Variants in AMPH observed in about 807,000 individuals in gnomAD.
AMPH encodes amphiphysin, also known as amphiphysin (Stiff-Mann syndrome with breast cancer 128kD autoantigen).
A neutral mutation model predicts 99.1 loss-of-function variants in AMPH; 49 were observed. The observed-to-expected ratio is 0.49, with a 90% CI of 0.39 to 0.63. The LOEUF (loss-of-function observed/expected upper bound fraction) is 0.63. AMPH is among the 20% of genes least tolerant of loss of function. AMPH has a pLI of 0.00. For synonymous variants in AMPH, 314 were observed against 317.3 expected (o/e 0.99, Z 0.11); for missense variants, 759 against 863.4 (o/e 0.88, Z 1.52).
Position 38,475,562 on chromosome 7 carries a change from T to C in AMPH, c.505-146A>G. On this transcript the variant is annotated intron_variant, in intron 6 of 20. Transcript: ENST00000356264. ...TATTTGGTTAAAAGCATATCCTTGTTTTTCAATTAAACATGAAACACTAAG... is the reference window on the plus strand; with the variant it reads ...TATTTGGTTAAAAGCATATCCTTGTCTTTCAATTAAACATGAAACACTAAG... 3 of 598,342 alleles carry C rather than the reference T, an allele frequency of 5.0e-6. No individual in the cohort carries two copies. The South Asian group carries it at 6.5e-5, about 13-fold the overall frequency. 37.1% of individuals were successfully genotyped at this position (598,342 alleles called of 1,614,324 possible). A position where few individuals can be genotyped will look rare whatever the true frequency, so the allele number is the denominator to read the frequency against.
chr7:38,429,252 G>T, intron 14 of AMPH: 1 of 1,286,540 alleles, frequency 7.8e-7, no homozygotes, highest in South Asian at 1.2e-5. Context: ...AGCCTCCGGC[G>T]CAGGCTTTGG....
chr7:38,410,928 T>C (rs1168733692), intron 17 of AMPH, among the ~76,000 whole-genome samples: 4 of 152,240 alleles, frequency 2.6e-5, no homozygotes, highest in Admixed American at 2.6e-4. Context: ...GCATTCGTTG[T>C]GGGAAGTCTT....
At chr7:38,554,829 T>C (rs1302446731) in intron 1 of AMPH, among the ~76,000 whole-genome samples, 2 of 152,180 alleles carry the variant, frequency 1.3e-5, no homozygotes, top group East Asian at 1.9e-4. Context: ...CAATCAGATA[T>C]AAAGTTTAGA....
At chr7:38,570,538 G>A (rs76042592) in intron 1 of AMPH, among the ~76,000 whole-genome samples, 3,105 of 152,118 alleles carry the variant, frequency 0.02, 70 homozygotes, top group East Asian at 0.084. Flanking sequence ...CATTACCCAC[G>A]TGTTTGTGGT....
chr7:38,414,549 A>T (rs1785309588), intron 17 of AMPH, among the ~76,000 whole-genome samples: 1 of 152,210 alleles, frequency 6.6e-6, no homozygotes, highest in Admixed American at 6.5e-5. Context: ...GTGGGTAAAA[A>T]TCTAACCATA....
At chr7:38,511,506 C>T (rs551275211) in intron 2 of AMPH, among the ~76,000 whole-genome samples, 3 of 152,192 alleles carry the variant, frequency 2.0e-5, no homozygotes, top group East Asian at 3.9e-4. Flanking sequence ...AAAGAACCAA[C>T]TAACAATGGA....
intron 15 of AMPH, among the ~76,000 whole-genome samples, chr7:38,425,540 C>T (rs1785753216): frequency 6.6e-6 from 1 of 152,224 alleles, no homozygotes; most frequent in African/African-American, 2.4e-5. Context: ...AAATTCATGA[C>T]TTGGCTGTTA....
chr7:38,391,776 T>G lies in AMPH; in HGVS notation c.1850A>C (p.Gln617Pro), dbSNP rs766581511. ...GTAGAGAAAGCCAGGAGGCAATTCC[T>G]GAGAGGCCTCCCTTGCAGATGCTAG... ...DQLASAREAS[Q>P]ELPPGFLYKV... Residue 617 changes from glutamine to proline, a missense_variant, in exon 19 of 21, where the codon CAG becomes CCG. Around this residue, in one of 2 missense-constraint regions of AMPH, gnomAD observed 554 missense variants for 575.6 expected, o/e 0.96. Coordinates refer to ENST00000356264, the MANE Select transcript of AMPH (RefSeq NM_001635.4). The G allele has an allele frequency of 6.2e-7, 1 of 1,613,826 alleles. No homozygotes were observed. The highest frequency in any genetic ancestry group is 1.3e-5 in the African/African-American group (1 of 74,928).
intron 17 of AMPH, among the ~76,000 whole-genome samples, chr7:38,415,227 T>C (rs1295807061): frequency 2.6e-5 from 4 of 152,146 alleles, no homozygotes; most frequent in Non-Finnish European, 5.9e-5. Context: ...AAATTATACG[T>C]GCCTCTTTAC....
intron 1 of AMPH, among the ~76,000 whole-genome samples, chr7:38,561,005 GTTAACTC>G (rs1223868971): frequency 6.6e-6 from 1 of 152,226 alleles, no homozygotes; most frequent in Non-Finnish European, 1.5e-5. Flanking sequence ...ATTAAAGCAA[GTTAACTC>G]TTTCACTAGG....
rs536170625 is a variant in AMPH at position 38,427,624 on chromosome 7, T to TTTG, written c.1183-641_1183-639dup. Among the ~76,000 whole-genome samples, 14 of 146,670 alleles carry TTTG rather than the reference T, an allele frequency of 9.5e-5. No individual in the cohort carries two copies. The South Asian group carries it at 1.1e-3, about 12-fold the overall frequency. ...TATGTGTCTATGTTGTTGGGTTCTT[T>TTTG]TTGTTGTTGTTGTTGATGCTGCTGC... On this transcript the variant is annotated intron_variant, in intron 14 of 20. Coordinates refer to ENST00000356264, the MANE Select transcript of AMPH (RefSeq NM_001635.4).
intron 11 of AMPH, among the ~76,000 whole-genome samples, chr7:38,441,978 T>TTGTCCTTA (rs1483502261): frequency 6.6e-6 from 1 of 151,518 alleles, no homozygotes; most frequent in East Asian, 1.9e-4. Flanking sequence ...CTGGAGGCCA[T>TTGTCCTTA]TGTCCTTAGC....
rs369597172 is a variant in AMPH at position 38,472,922 on chromosome 7, C to A, written c.590+2409G>T. 3.3e-5 allele frequency among the ~76,000 whole-genome samples: 5 copies of A among 152,160 alleles called. No individual in the cohort carries two copies. In the East Asian group the frequency reaches 7.7e-4, roughly 23 times the overall value. On this transcript the variant is annotated intron_variant, in intron 7 of 20. Transcript: ENST00000356264. ...ACGAGACACTCCAACAATTACTTTACTTTGAATAACCAAATACAACTTAGG... is the reference window on the plus strand; with the variant it reads ...ACGAGACACTCCAACAATTACTTTAATTTGAATAACCAAATACAACTTAGG...
chr7:38,503,499 G>GGT (rs1554348733), intron 3 of AMPH, 151 bp downstream of exon 3: 3 of 546,646 alleles, frequency 5.5e-6, no homozygotes, highest in Admixed American at 3.3e-5. Context: ...TTGGGGCGGG[G>GGT]GGGTGGGTGG....
chr7:38,608,837 T>G (rs1334091477), intron 1 of AMPH, among the ~76,000 whole-genome samples: 1 of 152,150 alleles, frequency 6.6e-6, no homozygotes, highest in African/African-American at 2.4e-5. Flanking sequence ...CCATTTCCCC[T>G]AGGCAAGCCC....
At chr7:38,447,567 G>T (rs991354488) in intron 11 of AMPH, among the ~76,000 whole-genome samples, 10 of 152,016 alleles carry the variant, frequency 6.6e-5, no homozygotes, top group African/African-American at 2.2e-4. Context: ...TAGGTAGTTT[G>T]CAAGTATTTG....
At chr7:38,503,429 C>T (rs1340654641) in intron 3 of AMPH, among the ~76,000 whole-genome samples, 1 of 146,300 alleles carries the variant, frequency 6.8e-6, no homozygotes, top group Non-Finnish European at 1.5e-5. Context: ...TTTCTAGTTT[C>T]CAGCATAAGG....
intron 15 of AMPH, among the ~76,000 whole-genome samples, chr7:38,424,572 A>T (rs939233516): frequency 6.6e-6 from 1 of 152,140 alleles, no homozygotes; most frequent in African/African-American, 2.4e-5. Flanking sequence ...AACAGCAAAG[A>T]AACAATAATA....
At chr7:38,570,713 A>AC (rs200048922) in intron 1 of AMPH, among the ~76,000 whole-genome samples, 3,560 of 150,250 alleles carry the variant, frequency 0.024, 80 homozygotes, top group South Asian at 0.046. Flanking sequence ...TTAAAAAAAA[A>AC]TAACTGTAAG....
Sources: gnomAD v4.1 joint callset for allele counts (sites outside exome capture counted in the v4.1 genomes callset) on GRCh38, gnomAD v4.1.1 for gene constraint, gnomAD v4.1.1 regional missense constraint, MANE v1.5 for transcripts, NCBI Gene and HGNC (gene_info 2026-07-23, HGNC 2026-07-21) for gene names.